The following SRRM1 variants were observed in gnomAD, a reference collection of about 807,000 sequenced individuals.
SRRM1 encodes the protein serine/arginine repetitive matrix protein 1.
SRRM1 carries 19 observed loss-of-function variants against 110.2 expected under a neutral mutation model. That is an observed-to-expected ratio of 0.17 (90% CI 0.12 to 0.25). The LOEUF (loss-of-function observed/expected upper bound fraction) is 0.25. Ranked by LOEUF, SRRM1 falls within the 10% of genes least tolerant of loss-of-function variation. SRRM1 has a pLI of 1.00. For missense variants in SRRM1, 918 were observed against 1,145.8 expected (o/e 0.80, Z 2.87); for synonymous variants, 443 against 414.9 (o/e 1.07, Z -0.82).
intron 12 of SRRM1, among the ~76,000 whole-genome samples, chr1:24,665,415 GC>G (rs779818956): frequency 2.2e-5 from 3 of 137,582 alleles, no homozygotes; most frequent in Non-Finnish European, 3.1e-5. Flanking sequence ...GGCAACAAGA[GC>G]AAAACTCCGT....
At chr1:24,663,136 T>C in intron 12 of SRRM1, 1 of 1,474,944 alleles carries the variant, frequency 6.8e-7, no homozygotes, top group Non-Finnish European at 9.1e-7. Flanking sequence ...AAGTAAATAA[T>C]TTAGTGAATG....
At chr1:24,647,408 G>A (rs537477521) in intron 3 of SRRM1, 1 of 152,584 alleles carries the variant, frequency 6.6e-6, no homozygotes, top group Non-Finnish European at 1.5e-5. Flanking sequence ...ATGTCAGCTA[G>A]TCATCAGTTA....
At chr1:24,646,830 A>G (rs1482081451) in intron 3 of SRRM1, 41 bp downstream of exon 3, 16 of 1,509,968 alleles carry the variant, frequency 1.1e-5, no homozygotes, top group Non-Finnish European at 1.3e-5. Flanking sequence ...AATATGTGAT[A>G]TAATTTGTGA....
chr1:24,651,693 A>G lies in SRRM1; in HGVS notation c.725+81A>G, dbSNP rs1196686246. 9.2e-6 allele frequency: 10 copies of G among 1,087,312 alleles called. No homozygotes were observed. In the African/African-American group the frequency reaches 1.6e-4, roughly 18 times the overall value. 67.4% of individuals were successfully genotyped at this position (1,087,312 alleles called of 1,614,324 possible). On this transcript the variant is annotated intron_variant, in intron 6 of 16. Transcript: ENST00000323848. ...GCAAATATGACATCTGAGTTAAAAT[A>G]AAACTACTTATTTTCCTTTTAGATT...
chr1:24,656,492 C>T (rs1446822964), intron 9 of SRRM1, among the ~76,000 whole-genome samples: 2 of 152,166 alleles, frequency 1.3e-5, no homozygotes, highest in Non-Finnish European at 2.9e-5. Flanking sequence ...AGAGGGGCTT[C>T]GGGATCACTG....
intron 9 of SRRM1, among the ~76,000 whole-genome samples, chr1:24,657,694 A>G (rs79493130): frequency 0.034 from 5,224 of 152,246 alleles, 141 homozygotes; most frequent in Middle Eastern, 0.11. Flanking sequence ...ATCTGAAGGG[A>G]TCTTAGGGGA....
rs1661114025 is a variant in SRRM1, at chr1:24,652,039, T to TATATATATAC, written c.726-386_726-385insCATATATATA. Among the ~76,000 whole-genome samples, 5 of 118,840 alleles carry TATATATATAC rather than the reference T, an allele frequency of 4.2e-5. No individual in the cohort carries two copies. In the South Asian group the frequency reaches 1.4e-3, roughly 32 times the overall value. 78.0% of individuals were successfully genotyped at this position (118,840 alleles called of 152,430 possible). A position where few individuals can be genotyped will look rare whatever the true frequency, so the allele number is the denominator to read the frequency against. On this transcript the variant is annotated intron_variant, in intron 6 of 16. Transcript: ENST00000323848. Reference sequence around the variant, plus strand: ...TCCATCTGTACTAAAAATATATATATATATATATATATATATATATATATG... The same window carrying TATATATATAC: ...TCCATCTGTACTAAAAATATATATATATATATATACATATATATATATATATATATATATG...
intron 11 of SRRM1, 34 bp downstream of exon 11, chr1:24,661,430 G>A (rs751958771): frequency 1.1e-5 from 17 of 1,497,348 alleles, no homozygotes; most frequent in Non-Finnish European, 1.6e-5. Context: ...TTTTCTACCT[G>A]TATTTCCTAT....
At position 24,651,420 on chromosome 1, in the gene SRRM1, G is replaced by T. The variant is rs911258530; in HGVS notation, c.533G>T (p.Arg178Ile). 7.4e-6 allele frequency: 12 copies of T among 1,613,596 alleles called. No individual in the cohort carries two copies. Among genetic ancestry groups the T allele is most frequent in the Non-Finnish European group, 1.0e-5 (12 of 1,179,848 alleles). Residue 178 changes from arginine (R) to isoleucine (I), a missense_variant, in exon 6 of 17, where the codon AGA becomes ATA. Physicochemically the swap from Arg to Ile is moderately conservative, Grantham distance 97. This residue lies in a region of SRRM1 where 456 missense variants were observed against 453.5 expected (regional missense o/e 1.01). Coordinates refer to ENST00000323848, the MANE Select transcript of SRRM1 (RefSeq NM_005839.4). ...TACTTTCATCCTAGACGCAAATCCA[G>T]ATCTCCTTCCCCTAGAAGACGATCT... ...RSRSPRRRKS[R>I]SPSPRRRSSP...
At chr1:24,662,862 T>C (rs1016488342) in intron 12 of SRRM1, 58 bp downstream of exon 12, 83 of 1,578,292 alleles carry the variant, frequency 5.3e-5, no homozygotes, top group Non-Finnish European at 7.0e-5. Flanking sequence ...TGAAATTTGA[T>C]AACTTGGGAT....
rs769648524 is a variant in SRRM1, at chr1:24,653,019, T to A, written c.1027T>A (p.Ser343Thr). 1.2e-6 allele frequency: 2 copies of A among 1,613,312 alleles called. No individual in the cohort carries two copies. The highest frequency in any genetic ancestry group is 2.2e-5 in the South Asian group (2 of 90,930). The change falls in exon 8 of 17, where the codon TCT (serine) becomes ACT (threonine). Residue 343 changes from serine to threonine, a missense_variant. By Grantham distance (58) the Ser-to-Thr change is moderately conservative. Around this residue, in one of 5 missense-constraint regions of SRRM1, gnomAD observed 456 missense variants for 453.5 expected, o/e 1.01. Coordinates refer to ENST00000323848, the MANE Select transcript of SRRM1 (RefSeq NM_005839.4). ...PPPPRHRRSRSPVRRRRRSSA... is the reference protein window; with the variant it reads ...PPPPRHRRSRTPVRRRRRSSA... ...TCCACCAAGGCATAGAAGGAGTAGA[T>A]CTCCAGTAAGACGGTAAGATTTTTT...
intron 3 of SRRM1, chr1:24,646,996 CTTA>C: frequency 2.5e-6 from 1 of 402,432 alleles, no homozygotes; most frequent in East Asian, 4.1e-5. Flanking sequence ...AAAAATCAAA[CTTA>C]TTGTTTGTAA....
At chr1:24,666,961 C>A in intron 13 of SRRM1, 36 bp downstream of exon 13, 1 of 1,301,788 alleles carries the variant, frequency 7.7e-7, no homozygotes, top group Non-Finnish European at 1.1e-6. Flanking sequence ...AGCATCTCCC[C>A]AACTCCCCCC....
At chr1:24,669,080 A>G (rs746546064) in intron 13 of SRRM1, 43 bp from the exon 14 acceptor site, 15 of 1,540,384 alleles carry the variant, frequency 9.7e-6, no homozygotes, top group African/African-American at 1.4e-5. Context: ...CTGTTTCTGT[A>G]TTTTGTTGAG....
intron 8 of SRRM1, 85 bp from the exon 9 acceptor site, chr1:24,654,770 C>A: frequency 6.7e-7 from 1 of 1,490,952 alleles, no homozygotes; most frequent in Non-Finnish European, 9.2e-7. Flanking sequence ...ATTAAAATAG[C>A]TGTATTTTTG....
Position 24,669,130 on chromosome 1 carries a change from T to C in SRRM1, c.1747T>C (p.Ser583Pro). 5.0e-6 allele frequency: 8 copies of C among 1,606,456 alleles called. No homozygotes were observed. The Admixed American group carries it at 5.0e-5, about 10-fold the overall frequency. The change falls in exon 14 of 17, where the codon TCT becomes CCT. Residue 583 changes from serine (S) to proline (P), a missense_variant. This residue lies in a region of SRRM1 where 357 missense variants were observed against 402.9 expected (regional missense o/e 0.89). Transcript: ENST00000323848. ...PTPPPRRRTP[S>P]PPPRRRSPSP... ...TATGTATCTTTTTCCTAGGACTCCT[T>C]CTCCTCCCCCACGTCGGCGCTCACC...
chr1:24,643,584 A>C, intron 1 of SRRM1: 1 of 411,742 alleles, frequency 2.4e-6, no homozygotes, highest in Non-Finnish European at 4.3e-6. Flanking sequence ...TGGCCGGAAA[A>C]TGGCGGCGGG....
At chr1:24,650,943 G>C (rs1030646018) in intron 5 of SRRM1, among the ~76,000 whole-genome samples, 2 of 152,324 alleles carry the variant, frequency 1.3e-5, no homozygotes, top group South Asian at 4.1e-4. Context: ...GATGTTTGAT[G>C]TATATTTCTC....
Position 24,652,288 on chromosome 1 carries a change from A to G in SRRM1, c.726-146A>G, listed in dbSNP as rs992450282. The G allele has an allele frequency of 4.6e-5, 26 of 559,616 alleles. No homozygotes were observed. In the African/African-American group the frequency reaches 4.8e-4, roughly 10 times the overall value. The allele number at this position is 559,616 out of a possible 1,614,324, so 34.7% of individuals were successfully genotyped here. On this transcript the variant is annotated intron_variant, in intron 6 of 16. Transcript: ENST00000323848. ...CTCTCTGGGTTTCAGTGATAGGTACATACATACTTATGTGTCTTTTGGAGA... is the reference window on the plus strand; with the variant it reads ...CTCTCTGGGTTTCAGTGATAGGTACGTACATACTTATGTGTCTTTTGGAGA...
Sources: allele counts gnomAD v4.1 joint callset (sites outside exome capture counted in the v4.1 genomes callset), GRCh38; gene constraint gnomAD v4.1.1; regional missense constraint gnomAD v4.1.1; transcripts MANE v1.5; gene names NCBI Gene and HGNC (gene_info 2026-07-23, HGNC 2026-07-21).